The following CPXCR1 variants were observed in gnomAD, a reference collection of about 807,000 sequenced individuals.
CPXCR1 encodes the protein CPX chromosome region candidate 1.
In CPXCR1, 15 loss-of-function variants were observed where a neutral mutation model predicts 13.8. The ratio of observed to expected loss-of-function variants is 1.09; its 90% CI spans 0.73 to 1.67. CPXCR1 has a LOEUF of 1.67. Ranked by LOEUF, CPXCR1 falls within the 40% of genes most tolerant of loss-of-function variation. The pLI is 0.00. For missense variants in CPXCR1, 247 were observed against 223.6 expected, an observed-to-expected ratio of 1.10 and a Z score of -0.67; for synonymous variants, 70 against 76.7, an observed-to-expected ratio of 0.91 and a Z score of 0.46.
intron 2 of CPXCR1, among the ~76,000 whole-genome samples, chrX:88,751,232 C>G (rs1054312983): frequency 2.7e-5 from 3 of 111,937 alleles, no homozygotes; most frequent in Non-Finnish European, 5.6e-5. Context: ...CCTCTAAACA[C>G]TGCTTTAGCT....
rs1924800058 is a variant in CPXCR1, at chrX:88,747,274, G to A, written c.-210G>A. The A allele has an allele frequency of 8.9e-6, 1 of 112,153 alleles. No homozygotes were observed. The highest frequency in any genetic ancestry group is 9.4e-5 in the Admixed American group (1 of 10,584). The allele number at this position is 112,153 out of a possible 1,213,427, so 9.2% of individuals were successfully genotyped here. On this transcript the variant is annotated 5_prime_UTR_variant, in exon 1 of 3. Transcript: ENST00000276127. ...CAGAAGAAAAGGGGTCAAGAAGGCA[G>A]GACCCCGTGAAGCACACCTTTCCTA...
At position 88,753,589 on chromosome X, in the gene CPXCR1, C is replaced by T; in HGVS notation, c.175C>T (p.Gln59Ter). 1 of 1,208,198 alleles carries T rather than the reference C, an allele frequency of 8.3e-7. No homozygotes were observed. The highest frequency in any genetic ancestry group is 1.1e-6 in the Non-Finnish European group (1 of 894,239). ...INREPGTATS[Q>*]EDVVPQAAEN... ...CAGGGAGCCAGGCACAGCAACCTCC[C>T]AGGAAGATGTTGTTCCTCAAGCAGC... The change falls in exon 3 of 3, where the codon CAG (glutamine) becomes TAG (stop). Residue 59 changes from glutamine to a stop codon, truncating the protein, a stop_gained. Transcript: ENST00000276127. LOFTEE classifies it high-confidence loss of function.
chrX:88,753,488 A>G lies in CPXCR1; in HGVS notation c.74A>G (p.Asn25Ser), dbSNP rs1924984154. Residue 25 changes from asparagine to serine, a missense_variant, in exon 3 of 3, where the codon AAT (asparagine) becomes AGT (serine). Physicochemically the swap from Asn to Ser is conservative, Grantham distance 46. Coordinates refer to ENST00000276127, the MANE Select transcript of CPXCR1 (RefSeq NM_033048.6). ...AHKNSENEPP[N>S]DCSTDIESPS... The stretch of plus-strand genomic sequence containing the variant: ...AAAAATTCTGAAAATGAGCCTCCTA[A>G]TGACTGTAGTACAGACATAGAGTCT... 8.4e-7 allele frequency: 1 copy of G among 1,183,568 alleles called. No homozygotes were observed. The highest frequency in any genetic ancestry group is 2.4e-5 in the Admixed American group (1 of 41,742).
At chrX:88,750,485 T>C (rs892824077) in intron 2 of CPXCR1, among the ~76,000 whole-genome samples, 1 of 112,020 alleles carries the variant, frequency 8.9e-6, no homozygotes, top group African/African-American at 3.3e-5. Context: ...CAGTATTTTA[T>C]TGAGGATTTT....
chrX:88,754,455 G>C lies in CPXCR1; in HGVS notation c.*135G>C. On this transcript the variant is annotated 3_prime_UTR_variant, in exon 3 of 3. Coordinates refer to ENST00000276127, the MANE Select transcript of CPXCR1 (RefSeq NM_033048.6). ...TAGCAGAAAGGAACACAAACTAATAGTACCTCTCAGTAAGAAATACCTATG... is the reference window on the plus strand; with the variant it reads ...TAGCAGAAAGGAACACAAACTAATACTACCTCTCAGTAAGAAATACCTATG... 1 of 417,460 alleles carries C rather than the reference G, an allele frequency of 2.4e-6. No individual in the cohort carries two copies. Among genetic ancestry groups the C allele is most frequent in the Non-Finnish European group, 4.1e-6 (1 of 242,130 alleles). 34.4% of individuals were successfully genotyped at this position (417,460 alleles called of 1,213,427 possible).
chrX:88,751,810 T>C (rs1395850531), intron 2 of CPXCR1, among the ~76,000 whole-genome samples: 3 of 111,492 alleles, frequency 2.7e-5, no homozygotes, highest in Non-Finnish European at 5.6e-5. Flanking sequence ...AGAGAAAGCA[T>C]GTTGAGTGAA....
At chrX:88,749,724 A>G (rs745410224) in intron 2 of CPXCR1, among the ~76,000 whole-genome samples, 2 of 110,360 alleles carry the variant, frequency 1.8e-5, no homozygotes, top group South Asian at 7.7e-4. Context: ...AAACATAAGT[A>G]AAATAAAGAT....
At chrX:88,749,011 G>A (rs1176059629) in intron 1 of CPXCR1, among the ~76,000 whole-genome samples, 3 of 106,226 alleles carry the variant, frequency 2.8e-5, no homozygotes, top group Non-Finnish European at 3.9e-5. Context: ...CATGTGCCAT[G>A]TTGGTGTGCT....
chrX:88,750,075 G>A (rs373174692), intron 2 of CPXCR1, among the ~76,000 whole-genome samples: 6 of 110,402 alleles, frequency 5.4e-5, no homozygotes, highest in Non-Finnish European at 1.1e-4. Flanking sequence ...TCTTTCTCTC[G>A]CCTGATTGCC....
Position 88,754,395 on chromosome X carries a change from T to C in CPXCR1, c.*75T>C. 1.5e-6 allele frequency: 1 copy of C among 668,073 alleles called. No homozygotes were observed. 55.1% of individuals were successfully genotyped at this position (668,073 alleles called of 1,213,427 possible). On this transcript the variant is annotated 3_prime_UTR_variant, in exon 3 of 3. Coordinates refer to ENST00000276127, the MANE Select transcript of CPXCR1 (RefSeq NM_033048.6). ...TTTGACTACTAAAGTAAGACAAAAT[T>C]GCATGAACATAAATTTTAGTATTAT...
chrX:88,749,147 A>G (rs916904191), intron 1 of CPXCR1, among the ~76,000 whole-genome samples, 171 bp from the exon 2 acceptor site: 1 of 91,346 alleles, frequency 1.1e-5, no homozygotes, highest in African/African-American at 4.2e-5. Context: ...TTTCTTATAT[A>G]CAAACCTATT....
chrX:88,747,687 A>G (rs923083640), intron 1 of CPXCR1, among the ~76,000 whole-genome samples: 2 of 111,804 alleles, frequency 1.8e-5, no homozygotes, highest in African/African-American at 3.3e-5. Flanking sequence ...TCATGAGTGC[A>G]TGGGAATCAG....
chrX:88,753,695 C>T lies in CPXCR1; in HGVS notation c.281C>T (p.Thr94Ile). 1 of 1,210,056 alleles carries T rather than the reference C, an allele frequency of 8.3e-7. No homozygotes were observed. The highest frequency in any genetic ancestry group is 1.7e-5 in the African/African-American group (1 of 57,698). ...DLKEELLLLQ[T>I]PIPRKLVSHK... is the part of the protein sequence containing the mutation. ...AAAGAAGAGCTTCTTCTACTTCAGA[C>T]CCCCATTCCCAGAAAATTGGTCTCT... Residue 94 changes from threonine to isoleucine, a missense_variant, in exon 3 of 3, where the codon ACC (threonine) becomes ATC (isoleucine). Transcript: ENST00000276127.
chrX:88,749,937 A>G (rs771104971), intron 2 of CPXCR1, among the ~76,000 whole-genome samples: 1 of 109,055 alleles, frequency 9.2e-6, no homozygotes, highest in South Asian at 4.1e-4. Context: ...GTATCCTGAG[A>G]CTTTGCTGAA....
chrX:88,753,678 GCTT>G lies in CPXCR1; in HGVS notation c.270_272del (p.Leu92del), dbSNP rs763026072. On this transcript the variant is annotated inframe_deletion, in exon 3 of 3. Transcript: ENST00000276127. ...AACGAGAAGAAGATCTAAAAGAAGAGCTTCTTCTACTTCAGACCCCCATTCCCA... is the reference window on the plus strand; with the variant it reads ...AACGAGAAGAAGATCTAAAAGAAGAGCTTCTACTTCAGACCCCCATTCCCA... 9.1e-6 allele frequency: 11 copies of G among 1,207,301 alleles called. No homozygotes were observed. Among genetic ancestry groups the G allele is most frequent in the Non-Finnish European group, 1.2e-5 (11 of 893,891 alleles).
At chrX:88,750,197 T>C (rs5984051) in intron 2 of CPXCR1, among the ~76,000 whole-genome samples, 20,295 of 110,613 alleles carry the variant, frequency 0.18, 1,711 homozygotes, top group East Asian at 0.36. Context: ...CAGTATTATA[T>C]TGGCTGTGGG....
At chrX:88,751,867 T>C (rs1924927001) in intron 2 of CPXCR1, among the ~76,000 whole-genome samples, 1 of 110,873 alleles carries the variant, frequency 9.0e-6, no homozygotes, top group South Asian at 3.8e-4. Context: ...TTGTGGAGGG[T>C]CTCTGAAGAC....
intron 2 of CPXCR1, among the ~76,000 whole-genome samples, chrX:88,750,111 T>G (rs1166156401): frequency 9.0e-6 from 1 of 111,318 alleles, no homozygotes. Flanking sequence ...AATGCTATTT[T>G]GAATGGGAGT....
In CPXCR1 at chrX:88,753,539, A is replaced by G. The variant is rs1569255329; in HGVS notation, c.125A>G (p.Tyr42Cys). Residue 42 changes from tyrosine to cysteine, a missense_variant, in exon 3 of 3, where the codon TAT becomes TGT. Transcript: ENST00000276127. ...CCATCTGCTGATCCCAATATGATCT[A>G]TCAGGTAGAAACCAACCCAATAAAC... Reference protein sequence around the residue: ...ESPSADPNMIYQVETNPINRE... With the variant: ...ESPSADPNMICQVETNPINRE... 1 of 1,208,886 alleles carries G rather than the reference A, an allele frequency of 8.3e-7. No individual in the cohort carries two copies. The highest frequency in any genetic ancestry group is 1.7e-5 in the African/African-American group (1 of 57,561).
Sources: allele counts gnomAD v4.1 joint callset (sites outside exome capture counted in the v4.1 genomes callset), GRCh38; gene constraint gnomAD v4.1.1; transcripts MANE v1.5; gene names NCBI Gene and HGNC (gene_info 2026-07-23, HGNC 2026-07-21).